The following ACTR3C variants were observed in gnomAD, a reference collection of about 807,000 sequenced individuals.
The protein encoded by ACTR3C is actin related protein 3C, also known as actin-related protein 3C.
ACTR3C carries 18 observed loss-of-function variants against 26.3 expected under a neutral mutation model. The ratio of observed to expected loss-of-function variants is 0.68; its 90% CI spans 0.47 to 1.01. The LOEUF is 1.01. ACTR3C is among the 50% of genes least tolerant of loss of function. The probability of loss-of-function intolerance (pLI) is 0.00; values close to 1 mark genes in which losing one functional copy is unlikely to be tolerated. For synonymous variants in ACTR3C, 55 were observed against 94.5 expected (o/e 0.58, Z 2.42); for missense variants, 184 against 250.7 (o/e 0.73, Z 1.80).
chr7:149,914,510 G>A, the ACTR3C span, among the ~76,000 whole-genome samples: 10 of 151,584 alleles, frequency 6.6e-5, no homozygotes, highest in South Asian at 1.0e-3. Context: ...CAAGAATCGC[G>A]TGAGCCCTGG....
the ACTR3C span, among the ~76,000 whole-genome samples, chr7:150,038,885 G>T: frequency 9.7e-6 from 1 of 103,494 alleles, no homozygotes; most frequent in Non-Finnish European, 2.2e-5. Context: ...CTCGCGGGGG[G>T]TGCCTCCCCC....
chr7:149,932,358 G>A, the ACTR3C span, among the ~76,000 whole-genome samples: 2,191 of 152,192 alleles, frequency 0.014, 53 homozygotes, highest in African/African-American at 0.049. Context: ...TAATGGATAC[G>A]GGATTTCTAT....
At chr7:150,301,485 A>C (rs1166375955) in intron 1 of ACTR3C, among the ~76,000 whole-genome samples, 2 of 152,272 alleles carry the variant, frequency 1.3e-5, no homozygotes, top group Non-Finnish European at 2.9e-5. Context: ...AAATACAAAC[A>C]TCAAAGGAAA....
At position 150,301,938 on chromosome 7, in the gene ACTR3C, C is replaced by G. The variant is rs189303769; in HGVS notation, c.-51-6591G>C. ...GGGAAGATGAAAAGGCTTCTGGAGA[C>G]AGACGGTGGCAATGGTTTGTGAATG... On this transcript the variant is annotated intron_variant, in intron 1 of 7. Transcript: ENST00000683684. 1.0e-3 allele frequency among the ~76,000 whole-genome samples: 153 copies of G among 152,238 alleles called. 2 individuals carry two copies. The highest frequency in any genetic ancestry group is 4.0e-3 in the Admixed American group (61 of 15,290).
chr7:150,164,006 G>A, the ACTR3C span, among the ~76,000 whole-genome samples: 25 of 152,306 alleles, frequency 1.6e-4, no homozygotes, highest in East Asian at 9.6e-4. Flanking sequence ...CACTGTTTGC[G>A]TATGCCAGGG....
chr7:150,216,984 CA>C, the ACTR3C span, among the ~76,000 whole-genome samples: 5,810 of 103,938 alleles, frequency 0.056, 241 homozygotes, highest in African/African-American at 0.18. Context: ...GACTCGGTCT[CA>C]AAAAAAAAAA....
At chr7:150,039,895 T>C in the ACTR3C span, among the ~76,000 whole-genome samples, 39,297 of 97,384 alleles carry the variant, frequency 0.4, 8,070 homozygotes, top group East Asian at 0.6. Context: ...CCCCGTGTCG[T>C]GAGGGGTGCC....
chr7:150,154,619 C>CCTGTCAT, the ACTR3C span, among the ~76,000 whole-genome samples: 1 of 152,180 alleles, frequency 6.6e-6, no homozygotes, highest in Non-Finnish European at 1.5e-5. Flanking sequence ...GTCCAGCAGA[C>CCTGTCAT]AGGAAGTCAT....
the ACTR3C span, among the ~76,000 whole-genome samples, chr7:150,230,507 A>G: frequency 1.3e-5 from 2 of 151,880 alleles, no homozygotes; most frequent in Admixed American, 6.6e-5. Flanking sequence ...GTGAGTGAGC[A>G]TTACCGCCTG....
the ACTR3C span, among the ~76,000 whole-genome samples, chr7:149,993,129 T>G: frequency 1.3e-5 from 2 of 149,402 alleles, no homozygotes; most frequent in Admixed American, 1.3e-4. Context: ...GATGGGATGG[T>G]GCCCACCCAC....
the ACTR3C span, among the ~76,000 whole-genome samples, chr7:149,902,148 G>C: frequency 6.6e-6 from 1 of 152,002 alleles, no homozygotes; most frequent in Non-Finnish European, 1.5e-5. Context: ...CAACAGTTGA[G>C]AGACACAACA....
the ACTR3C span, among the ~76,000 whole-genome samples, chr7:150,105,594 C>T: frequency 6.6e-5 from 10 of 152,110 alleles, no homozygotes; most frequent in East Asian, 3.9e-4. Context: ...TCCATGTCAC[C>T]GGTCACTCTG....
At chr7:150,163,486 A>G in the ACTR3C span, among the ~76,000 whole-genome samples, 2 of 151,574 alleles carry the variant, frequency 1.3e-5, no homozygotes, top group Non-Finnish European at 2.9e-5. Context: ...GTAAGTTTAT[A>G]TATAATTTAT....
chr7:150,277,898 G>A (rs190262537), intron 6 of ACTR3C, among the ~76,000 whole-genome samples: 18 of 152,224 alleles, frequency 1.2e-4, no homozygotes, highest in African/African-American at 4.3e-4. Context: ...CTTAAGTTGG[G>A]TCACATTACA....
At chr7:149,948,047 G>A in the ACTR3C span, among the ~76,000 whole-genome samples, 1 of 147,872 alleles carries the variant, frequency 6.8e-6, no homozygotes, top group African/African-American at 2.6e-5. Context: ...TGGCTGCACT[G>A]TCCCCCAGAA....
chr7:149,973,125 G>A, the ACTR3C span, among the ~76,000 whole-genome samples: 9 of 152,164 alleles, frequency 5.9e-5, no homozygotes, highest in Non-Finnish European at 1.2e-4. Flanking sequence ...CCCCATGAGC[G>A]AGCGGCACAT....
chr7:150,241,558 A>G (rs1252422481), downstream of ACTR3C, among the ~76,000 whole-genome samples: 1 of 152,240 alleles, frequency 6.6e-6, no homozygotes, highest in Admixed American at 6.5e-5. Context: ...TTTCTAGAAG[A>G]ATAACTTTGC....
At chr7:150,035,477 T>C in the ACTR3C span, among the ~76,000 whole-genome samples, 120 of 94,302 alleles carry the variant, frequency 1.3e-3, 5 homozygotes, top group South Asian at 1.7e-3. Context: ...ATGGGGGTAG[T>C]AACAGCCAGG....
chr7:150,038,015 C>T, the ACTR3C span, among the ~76,000 whole-genome samples: 1 of 138,408 alleles, frequency 7.2e-6, no homozygotes, highest in Admixed American at 6.9e-5. Flanking sequence ...GCCTCCCCCC[C>T]TGCTATGGTG....
Sources: allele counts gnomAD v4.1 joint callset (sites outside exome capture counted in the v4.1 genomes callset), GRCh38; gene constraint gnomAD v4.1.1; transcripts MANE v1.5; gene names NCBI Gene and HGNC (gene_info 2026-07-23, HGNC 2026-07-21).